LOXHD1: variants seen among roughly 807,000 people sequenced by gnomAD.
LOXHD1 encodes lipoxygenase homology PLAT domains 1, also known as lipoxygenase homology domain-containing protein 1.
LOXHD1 carries 205 observed loss-of-function variants against 248.2 expected under a neutral mutation model. That is an observed-to-expected ratio of 0.83 (90% CI 0.74 to 0.93). The LOEUF is 0.93. Ranked by LOEUF, LOXHD1 falls within the 40% of genes least tolerant of loss-of-function variation. The probability of loss-of-function intolerance (pLI) is 0.00; values close to 1 mark genes in which losing one functional copy is unlikely to be tolerated. For synonymous variants in LOXHD1, 1,113 were observed against 1,162.8 expected (o/e 0.96, Z 0.87); for missense variants, 2,930 against 2,971.6 (o/e 0.99, Z 0.33).
rs1382767682 is a variant in LOXHD1, at chr18:46,541,977, T to C, written c.3749-37A>G. ...GGAGACACAAAACCCATCAAGGACC[T>C]GAGCAGAGATGATTTCCTGTGGGTA... On this transcript the variant is annotated intron_variant, in intron 24 of 40. Coordinates refer to ENST00000642948, the MANE Select transcript of LOXHD1 (RefSeq NM_001384474.1). The C allele has an allele frequency of 9.3e-6, 14 of 1,512,686 alleles. No homozygotes were observed. In the African/African-American group the frequency reaches 9.8e-5, roughly 11 times the overall value. The allele number at this position is 1,512,686 out of a possible 1,614,324, so 93.7% of individuals were successfully genotyped here.
intron 35 of LOXHD1, among the ~76,000 whole-genome samples, chr18:46,508,520 G>A (rs939069181): frequency 5.9e-5 from 9 of 152,174 alleles, no homozygotes; most frequent in African/African-American, 2.2e-4. Context: ...CAGAGGGAGT[G>A]TGGCCCTGCC....
At chr18:46,580,980 C>T (rs747074192) in intron 12 of LOXHD1, among the ~76,000 whole-genome samples, 28 of 152,150 alleles carry the variant, frequency 1.8e-4, no homozygotes, top group African/African-American at 5.3e-4. Context: ...TGGGGTGTAG[C>T]GGGTCAAGGT....
At chr18:46,577,025 A>C (rs920735800) in intron 14 of LOXHD1, among the ~76,000 whole-genome samples, 1 of 152,186 alleles carries the variant, frequency 6.6e-6, no homozygotes, top group African/African-American at 2.4e-5. Context: ...TCATCTCTAC[A>C]TACAGAACTC....
At chr18:46,606,033 G>C (rs1213950084) in intron 6 of LOXHD1, among the ~76,000 whole-genome samples, 3 of 152,128 alleles carry the variant, frequency 2.0e-5, no homozygotes, top group African/African-American at 7.2e-5. Context: ...CCATTCAACT[G>C]ATGTGCTTAA....
chr18:46,511,098 G>A (rs1368191580), intron 34 of LOXHD1, among the ~76,000 whole-genome samples: 3 of 152,206 alleles, frequency 2.0e-5, no homozygotes, highest in African/African-American at 4.8e-5. Context: ...TGGGACAGGT[G>A]TAAGGAAAAG....
chr18:46,568,604 C>T (rs1448171535), intron 16 of LOXHD1, among the ~76,000 whole-genome samples: 1 of 152,134 alleles, frequency 6.6e-6, no homozygotes, highest in Non-Finnish European at 1.5e-5. Flanking sequence ...AAGGATAAGA[C>T]CCTCATGCCA....
intron 28 of LOXHD1, among the ~76,000 whole-genome samples, chr18:46,531,996 T>G (rs1397092621): frequency 6.6e-6 from 1 of 152,176 alleles, no homozygotes; most frequent in Non-Finnish European, 1.5e-5. Flanking sequence ...TTACTTCTGG[T>G]GACAAAAAAG....
intron 37 of LOXHD1, among the ~76,000 whole-genome samples, chr18:46,497,723 C>T (rs1366395029): frequency 1.5e-4 from 23 of 152,102 alleles, no homozygotes; most frequent in Non-Finnish European, 3.1e-4. Flanking sequence ...AGAACATGAA[C>T]AAGATAATGG....
chr18:46,517,230 A>G (rs2035302322), intron 34 of LOXHD1, among the ~76,000 whole-genome samples: 1 of 152,190 alleles, frequency 6.6e-6, no homozygotes, highest in African/African-American at 2.4e-5. Flanking sequence ...GCCCAAACCC[A>G]GGACTGTCTA....
chr18:46,644,541 G>A (rs1386557429), intron 2 of LOXHD1, among the ~76,000 whole-genome samples: 1 of 152,118 alleles, frequency 6.6e-6, no homozygotes, highest in Non-Finnish European at 1.5e-5. Flanking sequence ...AACATAGCAA[G>A]AGATAGCTCT....
At chr18:46,531,255 A>G (rs758921313) in intron 28 of LOXHD1, among the ~76,000 whole-genome samples, 17 of 152,278 alleles carry the variant, frequency 1.1e-4, no homozygotes, top group Non-Finnish European at 1.9e-4. Flanking sequence ...CACTCAGCTC[A>G]GTGCAAAAAC....
At chr18:46,497,661 A>C (rs905812374) in intron 37 of LOXHD1, among the ~76,000 whole-genome samples, 1 of 152,166 alleles carries the variant, frequency 6.6e-6, no homozygotes, top group Non-Finnish European at 1.5e-5. Context: ...AATTTTATAA[A>C]AATATATTAA....
chr18:46,483,127 A>C (rs1208665668), intron 40 of LOXHD1, among the ~76,000 whole-genome samples: 2 of 152,200 alleles, frequency 1.3e-5, no homozygotes, highest in Non-Finnish European at 2.9e-5. Context: ...GGGTACTGTG[A>C]GGCAGATGGA....
rs1417375490 is a variant in LOXHD1, at chr18:46,569,705, CG to C, written c.2048-68del. On this transcript the variant is annotated intron_variant, in intron 15 of 40. Transcript: ENST00000642948. ...GCAGGGGGTGACAGGAAGCAGGGTG[CG>C]TGTATAGGAGGGCAGCCTGGAGCTG... is the stretch of plus-strand genomic sequence containing the variant. 5 of 1,323,658 alleles carry C rather than the reference CG, an allele frequency of 3.8e-6. No individual in the cohort carries two copies. In the African/African-American group the frequency reaches 7.3e-5, roughly 19 times the overall value. The allele number at this position is 1,323,658 out of a possible 1,614,324, so 82.0% of individuals were successfully genotyped here.
intron 9 of LOXHD1, 61 bp downstream of exon 9, chr18:46,594,270 C>A: frequency 6.5e-7 from 1 of 1,545,034 alleles, no homozygotes; most frequent in Non-Finnish European, 8.7e-7. Context: ...AGTGGTCTGA[C>A]ATTCTGGCCT....
chr18:46,518,716 A>G (rs922825922), intron 33 of LOXHD1, among the ~76,000 whole-genome samples: 1 of 152,258 alleles, frequency 6.6e-6, no homozygotes, highest in Non-Finnish European at 1.5e-5. Flanking sequence ...GCTCCCTTGC[A>G]GAGTGAGAGC....
chr18:46,578,423 G>C (rs1314050471), intron 13 of LOXHD1, among the ~76,000 whole-genome samples: 1 of 152,182 alleles, frequency 6.6e-6, no homozygotes, highest in Non-Finnish European at 1.5e-5. Context: ...GAGTAGGGAA[G>C]GCTGGAGAGA....
intron 20 of LOXHD1, 63 bp from the exon 21 acceptor site, chr18:46,557,552 C>T: frequency 1.3e-6 from 2 of 1,543,476 alleles, no homozygotes; most frequent in Non-Finnish European, 1.8e-6. Flanking sequence ...GGCCATCAGC[C>T]CCATCCTCCC....
chr18:46,483,755 AC>A lies in LOXHD1; in HGVS notation c.6183-11del, dbSNP rs143514947. 0.3 allele frequency: 469,799 copies of A among 1,549,790 alleles called. 75,903 individuals are homozygous for A. Among genetic ancestry groups the A allele is most frequent in the Non-Finnish European group, 0.34 (385,247 of 1,145,800 alleles). On this transcript the variant is annotated splice_polypyrimidine_tract_variant and intron_variant, in intron 39 of 40. Coordinates refer to ENST00000642948, the MANE Select transcript of LOXHD1 (RefSeq NM_001384474.1). ...CGTGTCTGTGGTCCCCCTGCAGGAA[AC>A]AAAAGTGTGGTCCATGAGCTGCCTT...
Sources: allele counts gnomAD v4.1 joint callset (sites outside exome capture counted in the v4.1 genomes callset), GRCh38; gene constraint gnomAD v4.1.1; transcripts MANE v1.5; gene names NCBI Gene and HGNC (gene_info 2026-07-23, HGNC 2026-07-21).